Variants in JAK2 observed in about 807,000 individuals in gnomAD.
The protein encoded by JAK2 is Janus kinase 2.
Under a neutral mutation model 139.3 loss-of-function variants are expected in JAK2, and 86 were observed. The observed-to-expected ratio is 0.62, with a 90% confidence interval of 0.52 to 0.74. JAK2 has a LOEUF of 0.74. Ranked by LOEUF, JAK2 falls within the 30% of genes least tolerant of loss-of-function variation. JAK2 has a pLI of 0.00. For synonymous variants in JAK2, 490 were observed against 437.7 expected, an observed-to-expected ratio of 1.12 and a Z score of -1.49; for missense variants, 1,421 against 1,360.3, an observed-to-expected ratio of 1.04 and a Z score of -0.70.
At chr9:5,029,611 T>C (rs111470919) in intron 3 of JAK2, among the ~76,000 whole-genome samples, 172 bp from the exon 4 acceptor site, 2,163 of 152,296 alleles carry the variant, frequency 0.014, 63 homozygotes, top group African/African-American at 0.05. Flanking sequence ...TAAAAAAAGA[T>C]TGTGATTAAT....
intron 22 of JAK2, chr9:5,107,832 T>A (rs1822093914): frequency 6.6e-6 from 1 of 152,160 alleles, no homozygotes; most frequent in South Asian, 2.1e-4. Flanking sequence ...CTCCTAGTAT[T>A]TGCTGCCTGT....
intron 4 of JAK2, among the ~76,000 whole-genome samples, chr9:5,032,574 C>T (rs1024147345): frequency 6.6e-6 from 1 of 152,220 alleles, no homozygotes; most frequent in African/African-American, 2.4e-5. Context: ...CAGGCAGCAA[C>T]ATTTGCTGCT....
At chr9:5,084,484 T>C (rs761215434) in intron 19 of JAK2, among the ~76,000 whole-genome samples, 5 of 152,140 alleles carry the variant, frequency 3.3e-5, no homozygotes, top group Non-Finnish European at 1.5e-5. Context: ...CAAAGAGGGA[T>C]ATATATTTAA....
chr9:5,064,915 G>C lies in JAK2; in HGVS notation c.1089G>C (p.Leu363Phe), dbSNP rs1563969682. The part of the protein sequence containing the change: ...EIELSSLREA[L>F]SFVSLIDGYY... ...AACTTAGCTCATTAAGGGAAGCTTTGTCTTTCGTGTCATTAATTGATGGAT... is the reference window on the plus strand; with the variant it reads ...AACTTAGCTCATTAAGGGAAGCTTTCTCTTTCGTGTCATTAATTGATGGAT... The change falls in exon 9 of 25, where the codon TTG becomes TTC. Residue 363 changes from leucine to phenylalanine, a missense_variant. Transcript: ENST00000381652. 1 of 1,594,484 alleles carries C rather than the reference G, an allele frequency of 6.3e-7. No individual in the cohort carries two copies. The highest frequency in any genetic ancestry group is 1.4e-5 in the African/African-American group (1 of 74,026).
At position 5,065,553 on chromosome 9, in the gene JAK2, A is replaced by C. The variant is rs1286696527; in HGVS notation, c.1214+513A>C. On this transcript the variant is annotated intron_variant, in intron 9 of 24. Transcript: ENST00000381652. ...AGCCACTAGCTACATGTGGCTGTTT[A>C]GCATTTGAGATGTGGCTAATGCAAC... 2.0e-5 allele frequency among the ~76,000 whole-genome samples: 3 copies of C among 152,236 alleles called. No individual in the cohort carries two copies. In the East Asian group the frequency reaches 5.8e-4, roughly 29 times the overall value.
At chr9:5,088,672 G>T (rs570978914) in intron 19 of JAK2, among the ~76,000 whole-genome samples, 1 of 152,190 alleles carries the variant, frequency 6.6e-6, no homozygotes, top group Non-Finnish European at 1.5e-5. Flanking sequence ...GAATTCCAGG[G>T]CCTGGAAAGT....
At chr9:4,997,479 A>G (rs905816394) in intron 2 of JAK2, among the ~76,000 whole-genome samples, 11 of 152,154 alleles carry the variant, frequency 7.2e-5, no homozygotes, top group Non-Finnish European at 1.3e-4. Context: ...AAACAGCCAA[A>G]TCTTGCAAGA....
chr9:5,081,312 C>T (rs1819688287), intron 18 of JAK2, among the ~76,000 whole-genome samples: 1 of 151,350 alleles, frequency 6.6e-6, no homozygotes, highest in Non-Finnish European at 1.5e-5. Context: ...TAACATTTCT[C>T]ATATTTTATA....
Position 5,072,578 on chromosome 9 carries a change from A to G in JAK2, c.1728A>G (p.Thr576=). 12 of 1,610,740 alleles carry G rather than the reference A, an allele frequency of 7.4e-6. No individual in the cohort carries two copies. The highest frequency in any genetic ancestry group is 1.0e-5 in the Non-Finnish European group (12 of 1,177,904). ...EVGDYGQLHE[T]EVLLKVLDKA... The stretch of plus-strand genomic sequence containing the variant: ...GAGACTACGGTCAACTGCATGAAAC[A>G]GAAGTTCTTTTAAAAGTTCTGGATA... Residue 576 remains threonine, a synonymous_variant, in exon 13 of 25, where the codon ACA becomes ACG. Transcript: ENST00000381652.
In JAK2 at chr9:5,128,702, C is replaced by T. The variant is rs527372696; in HGVS notation, c.*1911C>T. ...GGGTGACTACCTTATTATAAAATTC[C>T]AAGTTTCCAAGAGACTTCTTTTCAT... On this transcript the variant is annotated 3_prime_UTR_variant, in exon 25 of 25. Transcript: ENST00000381652. Among the ~76,000 whole-genome samples the T allele has an allele frequency of 1.2e-3, 178 of 151,856 alleles. No individual in the cohort carries two copies. Among genetic ancestry groups the T allele is most frequent in the Non-Finnish European group, 1.0e-3 (71 of 67,780 alleles).
At chr9:5,100,511 C>A (rs1323348756) in intron 22 of JAK2, 2 of 152,204 alleles carry the variant, frequency 1.3e-5, no homozygotes, top group African/African-American at 4.8e-5. Flanking sequence ...GAGAAGTATT[C>A]TTCTTTGCTG....
In JAK2 at chr9:5,129,221, T is replaced by C. The variant is rs918736897; in HGVS notation, c.*2430T>C. On this transcript the variant is annotated 3_prime_UTR_variant, in exon 25 of 25. Transcript: ENST00000381652. Reference sequence around the variant, plus strand: ...TGGGTGTGGCATTATGTGCTCACTTTATTGAGCCTATGTTAATTTCTTTAG... The same window carrying C: ...TGGGTGTGGCATTATGTGCTCACTTCATTGAGCCTATGTTAATTTCTTTAG... Among the ~76,000 whole-genome samples, 5 of 152,112 alleles carry C rather than the reference T, an allele frequency of 3.3e-5. No homozygotes were observed. Among genetic ancestry groups the C allele is most frequent in the Non-Finnish European group, 5.9e-5 (4 of 67,942 alleles).
At chr9:5,040,175 A>ATCAG (rs1399320946) in intron 4 of JAK2, among the ~76,000 whole-genome samples, 1 of 152,186 alleles carries the variant, frequency 6.6e-6, no homozygotes, top group East Asian at 1.9e-4. Context: ...TTGATTTTTG[A>ATCAG]TCAGGGTGCC....
intron 16 of JAK2, 61 bp from the exon 17 acceptor site, chr9:5,080,168 A>T (rs908626522): frequency 8.1e-6 from 10 of 1,241,854 alleles, no homozygotes; most frequent in African/African-American, 4.5e-5. Context: ...AGCTATTTAC[A>T]TATAAAAGAT....
At chr9:5,067,355 T>A (rs574459242) in intron 10 of JAK2, among the ~76,000 whole-genome samples, 1 of 152,304 alleles carries the variant, frequency 6.6e-6, no homozygotes, top group South Asian at 2.1e-4. Context: ...GGATCTCATC[T>A]ATGATTATAT....
At chr9:4,990,809 A>G (rs753107205) in intron 2 of JAK2, among the ~76,000 whole-genome samples, 8 of 152,204 alleles carry the variant, frequency 5.3e-5, no homozygotes, top group Non-Finnish European at 8.8e-5. Flanking sequence ...CACTGTTAAT[A>G]TTTTGTTCTC....
chr9:5,039,519 A>G (rs1816328130), intron 4 of JAK2, among the ~76,000 whole-genome samples: 1 of 152,122 alleles, frequency 6.6e-6, no homozygotes, highest in Non-Finnish European at 1.5e-5. Flanking sequence ...AGGTTCTGGA[A>G]CTAGTACTGC....
At chr9:5,092,582 T>G (rs999234116) in intron 22 of JAK2, among the ~76,000 whole-genome samples, 1 of 152,112 alleles carries the variant, frequency 6.6e-6, no homozygotes, top group African/African-American at 2.4e-5. Flanking sequence ...CTTGGCACAA[T>G]AGATACAGTA....
rs544639097 is a variant in JAK2 at position 5,042,204 on chromosome 9, C to CT, written c.351-2198dup. 1.8e-3 allele frequency among the ~76,000 whole-genome samples: 255 copies of CT among 145,360 alleles called. 2 individuals are homozygous for CT. Among genetic ancestry groups the CT allele is most frequent in the Non-Finnish European group, 3.0e-3 (203 of 66,884 alleles). ...GGACTGCGGACTGCAGTGGCGCAAT[C>CT]TCGGCTCACTGCAAGCTCCGCCTCC... On this transcript the variant is annotated intron_variant, in intron 4 of 24. Coordinates refer to ENST00000381652, the MANE Select transcript of JAK2 (RefSeq NM_004972.4).
Sources: allele counts gnomAD v4.1 joint callset (sites outside exome capture counted in the v4.1 genomes callset), GRCh38; gene constraint gnomAD v4.1.1; transcripts MANE v1.5; gene names NCBI Gene and HGNC (gene_info 2026-07-23, HGNC 2026-07-21).